Variants in PCDHGA9 observed in about 807,000 individuals in gnomAD.
PCDHGA9 encodes the protein protocadherin gamma-A9.
In PCDHGA9, 37 loss-of-function variants were observed where a neutral mutation model predicts 62.5. That is an observed-to-expected ratio of 0.59 (90% CI 0.46 to 0.78). The LOEUF (loss-of-function observed/expected upper bound fraction) is 0.78, where lower values mean the gene tolerates loss of function less well. PCDHGA9 is among the 30% of genes least tolerant of loss of function. PCDHGA9 has a pLI of 0.00. For missense variants in PCDHGA9, 1,138 were observed against 1,166.2 expected (o/e 0.98, Z 0.35); for synonymous variants, 459 against 484.6 (o/e 0.95, Z 0.69).
intron 1 of PCDHGA9, chr5:141,428,599 A>G (rs1324155257): frequency 8.9e-6 from 2 of 223,902 alleles, no homozygotes; most frequent in Non-Finnish European, 1.8e-5. Context: ...AGCAAGCTTC[A>G]CTGAAGAGAA....
chr5:141,423,513 G>C, intron 1 of PCDHGA9: 3 of 1,613,750 alleles, frequency 1.9e-6, no homozygotes, highest in Non-Finnish European at 1.7e-6. Flanking sequence ...CTCTCATTGC[G>C]GACTCGCAGA....
chr5:141,427,052 C>T (rs79280874), intron 1 of PCDHGA9: 9,800 of 457,514 alleles, frequency 0.021, 162 homozygotes, highest in Middle Eastern at 0.051. Flanking sequence ...TGCCCCCAGG[C>T]ACCTCTGTAC....
chr5:141,433,091 A>G (rs1344906248), intron 1 of PCDHGA9: 2 of 1,614,182 alleles, frequency 1.2e-6, no homozygotes, highest in African/African-American at 1.3e-5. Flanking sequence ...CTATGCAGAC[A>G]TGCTCGTCAG....
chr5:141,498,103 G>C (rs2099781622), intron 2 of PCDHGA9, among the ~76,000 whole-genome samples: 1 of 152,216 alleles, frequency 6.6e-6, no homozygotes. Context: ...GGTGGTGTGG[G>C]CGTATAATAG....
chr5:141,408,770 A>G, intron 1 of PCDHGA9: 1 of 1,611,540 alleles, frequency 6.2e-7, no homozygotes. Flanking sequence ...CGATGGTGGC[A>G]AATACCCAGA....
chr5:141,447,658 A>C (rs114314834), intron 1 of PCDHGA9, among the ~76,000 whole-genome samples: 3,576 of 152,302 alleles, frequency 0.023, 90 homozygotes, highest in Non-Finnish European at 0.03. Context: ...TTTCCCCCCC[A>C]GGAAGTTAGA....
Position 141,477,443 on chromosome 5 carries a change from G to C in PCDHGA9, c.2425-17364G>C. The C allele has an allele frequency of 6.2e-7, 1 of 1,614,136 alleles. No individual in the cohort carries two copies. Among genetic ancestry groups the C allele is most frequent in the Non-Finnish European group, 8.5e-7 (1 of 1,180,024 alleles). ...CCCTTCCCTCTCAGCCCTTACAATA[G>C]TGCGTGTTCAAGTGTCCGACATCAA... On this transcript the variant is annotated intron_variant, in intron 1 of 3. Coordinates refer to ENST00000573521, the MANE Select transcript of PCDHGA9 (RefSeq NM_018921.3). This position sits in a 1 kb window ranked among gnomAD's most constrained non-coding sequence, Gnocchi z 4.9.
At chr5:141,484,598 T>C (rs2099598059) in intron 1 of PCDHGA9, among the ~76,000 whole-genome samples, 1 of 152,080 alleles carries the variant, frequency 6.6e-6, no homozygotes, top group Non-Finnish European at 1.5e-5. Flanking sequence ...TCATTTAGAA[T>C]ACTGGTTGAT....
At chr5:141,501,146 T>C (rs2299023) in intron 2 of PCDHGA9, among the ~76,000 whole-genome samples, 88,663 of 152,012 alleles carry the variant, frequency 0.58, 27,355 homozygotes, top group African/African-American at 0.78. Context: ...GGATTACAGG[T>C]GGGAGCCACC....
At chr5:141,428,189 C>G in intron 1 of PCDHGA9, 1 of 1,429,262 alleles carries the variant, frequency 7.0e-7, no homozygotes, top group African/African-American at 1.4e-5. Flanking sequence ...ACAGCCGCCG[C>G]TCTCTGCGCC....
intron 1 of PCDHGA9, among the ~76,000 whole-genome samples, chr5:141,460,758 C>T (rs1292050905): frequency 6.6e-6 from 1 of 150,582 alleles, no homozygotes; most frequent in African/African-American, 2.4e-5. Context: ...TGTACATATA[C>T]ATATTGCATA....
intron 1 of PCDHGA9, chr5:141,422,908 C>T (rs1340882515): frequency 2.5e-6 from 4 of 1,614,126 alleles, no homozygotes; most frequent in Non-Finnish European, 3.4e-6. Context: ...CGACAATGCG[C>T]CCGAGATCCT....
intron 1 of PCDHGA9, chr5:141,421,851 T>G: frequency 6.2e-7 from 1 of 1,613,714 alleles, no homozygotes; most frequent in East Asian, 2.2e-5. Context: ...AAGAGGCTGC[T>G]CACCTGCTCC....
chr5:141,441,883 A>T, intron 1 of PCDHGA9: 1 of 343,546 alleles, frequency 2.9e-6, no homozygotes, highest in South Asian at 2.6e-5. Context: ...CTACCTGGTC[A>T]CCAAGGTGGT....
Position 141,477,201 on chromosome 5 carries a change from C to T in PCDHGA9, c.2425-17606C>T, listed in dbSNP as rs1269388368. 6.2e-7 allele frequency: 1 copy of T among 1,614,076 alleles called. No homozygotes were observed. Among genetic ancestry groups the T allele is most frequent in the Non-Finnish European group, 8.5e-7 (1 of 1,180,056 alleles). On this transcript the variant is annotated intron_variant, in intron 1 of 3. Transcript: ENST00000573521. The surrounding 1 kb of genome is among the most constrained non-coding windows in gnomAD (Gnocchi z 4.9). ...GTCACCTCCGTGTACAGCCCAGTAC[C>T]CGAGGATGCCCCTCTGGGGACTGTC... is the stretch of plus-strand genomic sequence containing the variant.
Position 141,448,649 on chromosome 5 carries a change from T to C in PCDHGA9, c.2424+43273T>C, listed in dbSNP as rs181402439. 1.4e-3 allele frequency among the ~76,000 whole-genome samples: 218 copies of C among 152,220 alleles called. 1 individual carries two copies. Among genetic ancestry groups the C allele is most frequent in the African/African-American group, 5.0e-3 (206 of 41,530 alleles). On this transcript the variant is annotated intron_variant, in intron 1 of 3. Transcript: ENST00000573521. ...CTTCACATTATATCCTTTAAAAATA[T>C]TTCCATATTGGCCGGGCGCGGTGGC...
Position 141,491,340 on chromosome 5 carries a change from C to T in PCDHGA9, c.2425-3467C>T, listed in dbSNP as rs772328241. The T allele has an allele frequency of 3.7e-6, 6 of 1,614,144 alleles. No individual in the cohort carries two copies. The Admixed American group carries it at 6.7e-5, about 18-fold the overall frequency. ...TTTACCTCATTGTGGCTCTAGCGAC[C>T]GTCAGTCTCTTATCCCTAGTCACCT... On this transcript the variant is annotated intron_variant, in intron 1 of 3. Transcript: ENST00000573521. This position sits in a 1 kb window ranked among gnomAD's most constrained non-coding sequence, Gnocchi z 6.9.
chr5:141,464,773 C>G (rs576769467), intron 1 of PCDHGA9, among the ~76,000 whole-genome samples: 79 of 152,106 alleles, frequency 5.2e-4, no homozygotes, highest in African/African-American at 1.9e-3. Context: ...GAATCTTGTT[C>G]TGTTGCCCAG....
At chr5:141,413,716 C>T in intron 1 of PCDHGA9, 2 of 1,613,608 alleles carry the variant, frequency 1.2e-6, no homozygotes, top group Non-Finnish European at 1.7e-6. Flanking sequence ...CCCCAATAAG[C>T]ACTTCTCCCT....
Sources: gnomAD v4.1 joint callset for allele counts (sites outside exome capture counted in the v4.1 genomes callset) on GRCh38, gnomAD v4.1.1 for gene constraint, Gnocchi (gnomAD v3.1) non-coding constraint, MANE v1.5 for transcripts, NCBI Gene and HGNC (gene_info 2026-07-23, HGNC 2026-07-21) for gene names.